Variants in ELMO1 observed in about 807,000 individuals in gnomAD.
ELMO1 encodes engulfment and cell motility 1, also known as engulfment and cell motility protein 1.
A neutral mutation model predicts 98.9 loss-of-function variants in ELMO1; 26 were observed. The ratio of observed to expected loss-of-function variants is 0.26; its 90% CI spans 0.19 to 0.36. The LOEUF (loss-of-function observed/expected upper bound fraction) is 0.36, where lower values mean the gene tolerates loss of function less well. ELMO1 is among the 10% of genes least tolerant of loss of function. The pLI, the probability that ELMO1 is intolerant of heterozygous loss-of-function variation, is 1.00. For synonymous variants in ELMO1, 346 were observed against 346.0 expected (o/e 1.00, Z 0.00); for missense variants, 627 against 935.2 (o/e 0.67, Z 4.30).
intron 20 of ELMO1, among the ~76,000 whole-genome samples, chr7:36,867,160 G>T (rs2129037726): frequency 6.6e-6 from 1 of 152,238 alleles, no homozygotes; most frequent in South Asian, 2.1e-4. Flanking sequence ...TCTGTTTACA[G>T]TGGCGTACTC....
At chr7:37,165,228 G>T (rs1191507077) in intron 13 of ELMO1, among the ~76,000 whole-genome samples, 1 of 152,318 alleles carries the variant, frequency 6.6e-6, no homozygotes, top group South Asian at 2.1e-4. Flanking sequence ...AGCTTAAGGA[G>T]ATTTTGGGCT....
intron 4 of ELMO1, among the ~76,000 whole-genome samples, chr7:37,292,728 G>C (rs1334122496): frequency 1.1e-5 from 1 of 92,068 alleles, no homozygotes; most frequent in Admixed American, 1.0e-4. Context: ...CCCCGTCCGG[G>C]AGGGAGGTGG....
At chr7:36,961,332 G>C (rs1177559957) in intron 16 of ELMO1, among the ~76,000 whole-genome samples, 3 of 152,146 alleles carry the variant, frequency 2.0e-5, no homozygotes, top group Non-Finnish European at 2.9e-5. Flanking sequence ...GACAGAGACA[G>C]TCTTTGTGGT....
chr7:37,283,636 G>A (rs1797250471), intron 4 of ELMO1, among the ~76,000 whole-genome samples: 1 of 152,252 alleles, frequency 6.6e-6, no homozygotes, highest in East Asian at 1.9e-4. Context: ...CAGTGGGGCA[G>A]CCCCAGCAAG....
intron 14 of ELMO1, among the ~76,000 whole-genome samples, chr7:37,131,363 G>GT (rs1290993207): frequency 6.6e-6 from 1 of 152,114 alleles, no homozygotes; most frequent in Non-Finnish European, 1.5e-5. Context: ...CAAATATAAA[G>GT]TTTTGTCAGG....
intron 4 of ELMO1, among the ~76,000 whole-genome samples, chr7:37,313,512 A>G (rs1215107831): frequency 1.3e-5 from 2 of 152,194 alleles, no homozygotes; most frequent in South Asian, 4.1e-4. Context: ...GACGTGAGCC[A>G]CCGCACCTGG....
At chr7:37,080,600 A>AT (rs764259726) in intron 15 of ELMO1, among the ~76,000 whole-genome samples, 11,738 of 105,178 alleles carry the variant, frequency 0.11, 934 homozygotes, top group African/African-American at 0.2. Context: ...ACCACGCCTA[A>AT]TTTTTTTTTT....
intron 16 of ELMO1, among the ~76,000 whole-genome samples, chr7:37,010,481 T>C (rs927058966): frequency 6.6e-6 from 1 of 152,070 alleles, no homozygotes; most frequent in Non-Finnish European, 1.5e-5. Flanking sequence ...TCCTTAAAGG[T>C]GGAAGACCAA....
chr7:36,994,992 G>A (rs1012459613), intron 16 of ELMO1, among the ~76,000 whole-genome samples: 1 of 152,142 alleles, frequency 6.6e-6, no homozygotes, highest in Non-Finnish European at 1.5e-5. Flanking sequence ...CTCCTAGACT[G>A]ACACCACTGC....
chr7:36,972,133 T>A (rs1367335758), intron 16 of ELMO1, among the ~76,000 whole-genome samples: 1 of 152,146 alleles, frequency 6.6e-6, no homozygotes, highest in Non-Finnish European at 1.5e-5. Context: ...CACTTGGTCC[T>A]CCAAGTAATC....
At chr7:36,868,637 C>T (rs1409614697) in intron 20 of ELMO1, among the ~76,000 whole-genome samples, 1 of 152,178 alleles carries the variant, frequency 6.6e-6, no homozygotes, top group African/African-American at 2.4e-5. Flanking sequence ...CGCGAGCCAC[C>T]ACACCCTGCC....
intron 16 of ELMO1, among the ~76,000 whole-genome samples, chr7:37,005,449 C>T (rs1020382268): frequency 3.9e-5 from 6 of 152,090 alleles, no homozygotes; most frequent in East Asian, 3.9e-4. Flanking sequence ...CCCAGCACTT[C>T]GGGAGGCCAA....
At chr7:37,140,017 T>A (rs1329259521) in intron 13 of ELMO1, among the ~76,000 whole-genome samples, 1 of 152,036 alleles carries the variant, frequency 6.6e-6, no homozygotes, top group Non-Finnish European at 1.5e-5. Context: ...AAGCCACATG[T>A]AGAAGAATGA....
At chr7:37,007,506 G>A (rs1445608284) in intron 16 of ELMO1, among the ~76,000 whole-genome samples, 1 of 152,170 alleles carries the variant, frequency 6.6e-6, no homozygotes, top group Non-Finnish European at 1.5e-5. Context: ...TATTCATGAT[G>A]AGACTTACAG....
At chr7:37,133,519 G>C (rs1238075016) in intron 13 of ELMO1, among the ~76,000 whole-genome samples, 2 of 152,098 alleles carry the variant, frequency 1.3e-5, no homozygotes, top group African/African-American at 4.8e-5. Flanking sequence ...GTGAGAAAAA[G>C]AAAATGATGC....
chr7:37,161,145 G>C (rs1363720064), intron 13 of ELMO1, among the ~76,000 whole-genome samples: 1 of 152,160 alleles, frequency 6.6e-6, no homozygotes, highest in Non-Finnish European at 1.5e-5. Flanking sequence ...TTTCAGTCTG[G>C]AGTGGCGTCA....
intron 1 of ELMO1, among the ~76,000 whole-genome samples, chr7:37,424,903 T>C (rs1316167945): frequency 9.2e-5 from 14 of 151,936 alleles, no homozygotes; most frequent in Non-Finnish European, 4.4e-5. Context: ...CATTTTGTTA[T>C]AGAATGGGAA....
intron 1 of ELMO1, among the ~76,000 whole-genome samples, chr7:37,406,277 T>TC (rs1447694407): frequency 2.0e-5 from 3 of 151,716 alleles, no homozygotes; most frequent in African/African-American, 7.3e-5. Context: ...GTTTTTTTTT[T>TC]TTCTCTCTTT....
At chr7:36,869,135 G>A (rs549549059) in intron 20 of ELMO1, among the ~76,000 whole-genome samples, 32 of 152,336 alleles carry the variant, frequency 2.1e-4, no homozygotes, top group African/African-American at 6.5e-4. Flanking sequence ...GGAAACCCCC[G>A]TTGGTGCTGT....
Sources: allele counts gnomAD v4.1 joint callset (sites outside exome capture counted in the v4.1 genomes callset), GRCh38; gene constraint gnomAD v4.1.1; transcripts MANE v1.5; gene names NCBI Gene and HGNC (gene_info 2026-07-23, HGNC 2026-07-21).